The following TEX2 variants were observed in gnomAD, a reference collection of about 807,000 sequenced individuals.
The protein encoded by TEX2 is testis expressed 2.
In TEX2, 53 loss-of-function variants were observed where a neutral mutation model predicts 106.9. That is an observed-to-expected ratio of 0.50 (90% CI 0.40 to 0.62). TEX2 has a LOEUF of 0.62. Ranked by LOEUF, TEX2 falls within the 20% of genes least tolerant of loss-of-function variation. The probability of loss-of-function intolerance (pLI) is 0.00; values close to 1 mark genes in which losing one functional copy is unlikely to be tolerated. For synonymous variants in TEX2, 523 were observed against 534.8 expected (o/e 0.98, Z 0.30); for missense variants, 1,207 against 1,379.0 (o/e 0.88, Z 1.98).
rs1166094716 is a variant in TEX2 at position 64,217,554 on chromosome 17, CCTCAGTTCTCAACCAGCAGCATGTGA to C, written c.-25-3338_-25-3313del. 1.3e-5 allele frequency among the ~76,000 whole-genome samples: 2 copies of C among 152,200 alleles called. No individual in the cohort carries two copies. Among genetic ancestry groups the C allele is most frequent in the Admixed American group, 6.5e-5 (1 of 15,284 alleles). The stretch of plus-strand genomic sequence containing the variant: ...TGGACAGCTCACTTACAAGCTAAGA[CCTCAGTTCTCAACCAGCAGCATGTGA>C]CTGGCCGCACTGAGAAATGAAAGGT... On this transcript the variant is annotated intron_variant, in intron 1 of 11. Coordinates refer to ENST00000584379, the MANE Select transcript of TEX2 (RefSeq NM_001288732.2). The surrounding 1 kb of genome is among the most constrained non-coding windows in gnomAD (Gnocchi z 4.3).
In TEX2 at chr17:64,185,070, G is replaced by A. The variant is rs961568745; in HGVS notation, c.2424+3098C>T. Among the ~76,000 whole-genome samples the A allele has an allele frequency of 2.0e-5, 3 of 152,100 alleles. No homozygotes were observed. The highest frequency in any genetic ancestry group is 4.8e-5 in the African/African-American group (2 of 41,414). On this transcript the variant is annotated intron_variant, in intron 5 of 11. Transcript: ENST00000584379. The surrounding 1 kb of genome is among the most constrained non-coding windows in gnomAD (Gnocchi z 4.0). Reference sequence around the variant, plus strand: ...TTTCTATTTGACTCCTATTTGCTCTGTAACATTCTCATCTTCTGATAACAC... The same window carrying A: ...TTTCTATTTGACTCCTATTTGCTCTATAACATTCTCATCTTCTGATAACAC...
intron 6 of TEX2, among the ~76,000 whole-genome samples, chr17:64,173,597 A>G (rs1475555753): frequency 6.6e-6 from 1 of 152,186 alleles, no homozygotes; most frequent in African/African-American, 2.4e-5. Context: ...CAGTGTTCAA[A>G]GGCATAGTTT....
intron 5 of TEX2, among the ~76,000 whole-genome samples, chr17:64,187,642 T>TC (rs1213014834): frequency 5.9e-5 from 9 of 152,120 alleles, no homozygotes; most frequent in African/African-American, 2.2e-4. Flanking sequence ...TCCTCCAGCC[T>TC]CCCTACCTCC....
Position 64,147,831 on chromosome 17 carries a change from T to C in TEX2, c.*1138A>G, listed in dbSNP as rs1347867313. 6.6e-6 allele frequency: 1 copy of C among 151,784 alleles called. No homozygotes were observed. The highest frequency in any genetic ancestry group is 1.5e-5 in the Non-Finnish European group (1 of 67,536). The allele number at this position is 151,784 out of a possible 1,614,324, so 9.4% of individuals were successfully genotyped here. Reference sequence around the variant, plus strand: ...GTCCACACATGTAAGTTATCAAAAGTTACCCAAGGTAATTTTGACGTTGAA... The same window carrying C: ...GTCCACACATGTAAGTTATCAAAAGCTACCCAAGGTAATTTTGACGTTGAA... On this transcript the variant is annotated 3_prime_UTR_variant, in exon 12 of 12. Coordinates refer to ENST00000584379, the MANE Select transcript of TEX2 (RefSeq NM_001288732.2).
At chr17:64,233,668 T>C (rs2033706261) in intron 1 of TEX2, among the ~76,000 whole-genome samples, 1 of 152,248 alleles carries the variant, frequency 6.6e-6, no homozygotes, top group Non-Finnish European at 1.5e-5. Context: ...AGTTATTCCC[T>C]GGCACCAATA....
chr17:64,214,296 C>T (rs569282313), intron 1 of TEX2, 54 bp from the exon 2 acceptor site: 219 of 1,418,882 alleles, frequency 1.5e-4, no homozygotes, highest in African/African-American at 1.2e-3. Flanking sequence ...CCACAGGAGA[C>T]GCTGTCATTC....
intron 1 of TEX2, among the ~76,000 whole-genome samples, chr17:64,234,785 A>G (rs1397872906): frequency 2.0e-5 from 3 of 152,216 alleles, no homozygotes; most frequent in Non-Finnish European, 4.4e-5. Context: ...AGTAAATGAC[A>G]CCAAGAAATA....
intron 1 of TEX2, among the ~76,000 whole-genome samples, chr17:64,226,463 G>A (rs1471173305): frequency 1.3e-5 from 2 of 152,174 alleles, no homozygotes; most frequent in African/African-American, 4.8e-5. Context: ...TAACTTTCAT[G>A]CAATGTAAGA....
chr17:64,148,767 C>T lies in TEX2; in HGVS notation c.*202G>A. 1.7e-6 allele frequency: 1 copy of T among 590,808 alleles called. No individual in the cohort carries two copies. Among genetic ancestry groups the T allele is most frequent in the South Asian group, 2.4e-5 (1 of 40,838 alleles). The allele number at this position is 590,808 out of a possible 1,614,324, so 36.6% of individuals were successfully genotyped here. ...TCTCCTTTGCCAAATCAAAGCTTTG[C>T]AGCAGGCAATCCAGACAGTTGTCAC... On this transcript the variant is annotated 3_prime_UTR_variant, in exon 12 of 12. Transcript: ENST00000584379.
At chr17:64,191,859 A>C (rs1196014105) in intron 4 of TEX2, among the ~76,000 whole-genome samples, 1 of 151,888 alleles carries the variant, frequency 6.6e-6, no homozygotes, top group Admixed American at 6.6e-5. Flanking sequence ...AAAGAAAAAG[A>C]AAGGTAAAAA....
At chr17:64,176,865 T>A (rs1376514732) in intron 6 of TEX2, among the ~76,000 whole-genome samples, 2 of 152,190 alleles carry the variant, frequency 1.3e-5, no homozygotes, top group Non-Finnish European at 2.9e-5. Flanking sequence ...TAAGAGGCCT[T>A]AAGTAGTCTA....
In TEX2 at chr17:64,193,857, C is replaced by T. The variant is rs2032381114; in HGVS notation, c.1878G>A (p.Lys626=). The T allele has an allele frequency of 6.4e-7, 1 of 1,566,618 alleles. No homozygotes were observed. The highest frequency in any genetic ancestry group is 8.7e-7 in the Non-Finnish European group (1 of 1,151,890). Residue 626 remains lysine (K), a synonymous_variant, in exon 4 of 12, where the codon AAG becomes AAA. Transcript: ENST00000584379. The part of the protein sequence containing the change: ...IYLVPKTLAR[K]RIWNKKYPIC... ...TGGGGTACTTTTTATTCCAGATTCG[C>T]TTTCGAGCCAAAGTTTTAGGTACAA...
intron 5 of TEX2, among the ~76,000 whole-genome samples, chr17:64,183,092 G>C (rs2031944230): frequency 6.6e-6 from 1 of 152,076 alleles, no homozygotes; most frequent in African/African-American, 2.4e-5. Context: ...TTTTAGTAGA[G>C]ATGGGGTTTC....
At chr17:64,248,367 G>C (rs1261634384) in intron 1 of TEX2, among the ~76,000 whole-genome samples, 1 of 152,090 alleles carries the variant, frequency 6.6e-6, no homozygotes, top group African/African-American at 2.4e-5. Flanking sequence ...ATTCTTCAAA[G>C]ACCTTCCCTA....
intron 9 of TEX2, among the ~76,000 whole-genome samples, chr17:64,154,400 C>G (rs1229043581): frequency 6.6e-6 from 1 of 152,204 alleles, no homozygotes; most frequent in African/African-American, 2.4e-5. Context: ...AAAAGATCAG[C>G]TCAGTCATCA....
intron 8 of TEX2, chr17:64,155,354 A>G (rs1428528935): frequency 1.2e-5 from 2 of 162,942 alleles, no homozygotes; most frequent in Non-Finnish European, 2.6e-5. Flanking sequence ...TGGTTGCAAG[A>G]GTGAGGTGAC....
chr17:64,164,471 C>T (rs749555814), intron 7 of TEX2, among the ~76,000 whole-genome samples: 1 of 151,674 alleles, frequency 6.6e-6, no homozygotes, highest in African/African-American at 2.4e-5. Context: ...TGCAGCAACA[C>T]GAGTGACAAT....
At chr17:64,252,532 GTCTTGA>G (rs1555637122) in intron 1 of TEX2, among the ~76,000 whole-genome samples, 2 of 151,948 alleles carry the variant, frequency 1.3e-5, no homozygotes, top group African/African-American at 4.8e-5. Context: ...GCCCAGGCTG[GTCTTGA>G]ATCCTGGGCT....
At chr17:64,202,435 C>G (rs1391934798) in intron 2 of TEX2, among the ~76,000 whole-genome samples, 1 of 152,226 alleles carries the variant, frequency 6.6e-6, no homozygotes, top group Admixed American at 6.5e-5. Flanking sequence ...GTTGCTCTTG[C>G]AGAAAGCAAT....
Sources: gnomAD v4.1 joint callset for allele counts (sites outside exome capture counted in the v4.1 genomes callset) on GRCh38, gnomAD v4.1.1 for gene constraint, Gnocchi (gnomAD v3.1) non-coding constraint, MANE v1.5 for transcripts, NCBI Gene and HGNC (gene_info 2026-07-23, HGNC 2026-07-21) for gene names.